The following GMDS variants were observed in gnomAD, a reference collection of about 807,000 sequenced individuals.
The protein encoded by GMDS is GDP-mannose 4,6-dehydratase, also known as GDP-mannose 4,6 dehydratase.
GMDS carries 20 observed loss-of-function variants against 49.9 expected under a neutral mutation model. That is an observed-to-expected ratio of 0.40 (90% confidence interval 0.28 to 0.58). The LOEUF (loss-of-function observed/expected upper bound fraction) is 0.58, where lower values mean the gene tolerates loss of function less well. Among genes scored for constraint, GMDS ranks in the 20% least tolerant of loss-of-function variants. The pLI is 0.42. For synonymous variants in GMDS, 177 were observed against 178.6 expected, an observed-to-expected ratio of 0.99 and a Z score of 0.07; for missense variants, 362 against 481.4, an observed-to-expected ratio of 0.75 and a Z score of 2.32.
chr6:2,100,682 A>G (rs1224132481), intron 4 of GMDS, among the ~76,000 whole-genome samples: 1 of 152,074 alleles, frequency 6.6e-6, no homozygotes, highest in African/African-American at 2.4e-5. Flanking sequence ...GAGTCAAGAT[A>G]GTATACATAG....
chr6:1,795,262 A>ATGC (rs1315422537), intron 7 of GMDS, among the ~76,000 whole-genome samples: 2 of 152,208 alleles, frequency 1.3e-5, no homozygotes, highest in Non-Finnish European at 2.9e-5. Context: ...AGACTTCTAC[A>ATGC]TGCTACCAAA....
rs550705094 is a variant in GMDS, at chr6:2,171,933, G to A, written c.103-47202C>T. On this transcript the variant is annotated intron_variant, in intron 1 of 10. Transcript: ENST00000380815. ...GAGAGCAGTGAGGGGCTAAACTGAC[G>A]CAATAAATGGCAGAGAAACAACTCA... Among the ~76,000 whole-genome samples the A allele has an allele frequency of 3.9e-5, 6 of 152,242 alleles. No homozygotes were observed. In the East Asian group the frequency reaches 5.8e-4, roughly 15 times the overall value.
chr6:2,065,897 T>C (rs986896219), intron 4 of GMDS, among the ~76,000 whole-genome samples: 4 of 152,062 alleles, frequency 2.6e-5, no homozygotes, highest in Non-Finnish European at 5.9e-5. Context: ...CAGGCCAACA[T>C]TCAGGTTCAG....
At chr6:2,230,941 A>T (rs867863269) in intron 1 of GMDS, among the ~76,000 whole-genome samples, 1 of 18,666 alleles carries the variant, frequency 5.4e-5, no homozygotes, top group African/African-American at 1.6e-4. Context: ...CCCCCCTCCC[A>T]CCCCCCCCCC....
At chr6:2,068,181 T>C (rs995606624) in intron 4 of GMDS, among the ~76,000 whole-genome samples, 11 of 152,080 alleles carry the variant, frequency 7.2e-5, no homozygotes, top group African/African-American at 2.2e-4. Context: ...ATTATCTCAA[T>C]AGATGCAGAA....
intron 4 of GMDS, among the ~76,000 whole-genome samples, chr6:2,063,097 G>T (rs1008832818): frequency 3.3e-5 from 5 of 152,212 alleles, no homozygotes; most frequent in Non-Finnish European, 5.9e-5. Flanking sequence ...GTTTCTGTTT[G>T]TCTGCTTCAT....
intron 6 of GMDS, among the ~76,000 whole-genome samples, chr6:1,932,537 CT>C (rs1166894439): frequency 0.041 from 5,506 of 133,932 alleles, 99 homozygotes; most frequent in East Asian, 0.16. Context: ...ATTTCTAATT[CT>C]TTTTTTTTTT....
chr6:1,948,529 C>T (rs866872625), intron 6 of GMDS, among the ~76,000 whole-genome samples: 216 of 152,198 alleles, frequency 1.4e-3, no homozygotes, highest in African/African-American at 4.9e-3. Flanking sequence ...TGGTAGTGTA[C>T]ACCTGTCGAC....
At chr6:2,192,323 C>T (rs1456394578) in intron 1 of GMDS, among the ~76,000 whole-genome samples, 1 of 152,154 alleles carries the variant, frequency 6.6e-6, no homozygotes, top group Non-Finnish European at 1.5e-5. Flanking sequence ...TGTTCTATTA[C>T]TCAATAAAGC....
At chr6:1,951,781 T>C (rs1763353668) in intron 6 of GMDS, 1 of 492,532 alleles carries the variant, frequency 2.0e-6, no homozygotes, top group East Asian at 1.5e-4. Flanking sequence ...CATATCACAT[T>C]TATATTCTAA....
chr6:2,099,690 A>G (rs1245045228), intron 4 of GMDS, among the ~76,000 whole-genome samples: 1 of 152,060 alleles, frequency 6.6e-6, no homozygotes, highest in Non-Finnish European at 1.5e-5. Context: ...CTTTCTGACA[A>G]AATAGAATAT....
At chr6:2,013,286 T>C (rs1269480215) in intron 4 of GMDS, among the ~76,000 whole-genome samples, 1 of 152,136 alleles carries the variant, frequency 6.6e-6, no homozygotes, top group East Asian at 1.9e-4. Flanking sequence ...CTTACAGCTA[T>C]AGCAAATACT....
chr6:2,112,446 G>A (rs1189717949), intron 4 of GMDS, among the ~76,000 whole-genome samples: 1 of 151,286 alleles, frequency 6.6e-6, no homozygotes, highest in Non-Finnish European at 1.5e-5. Flanking sequence ...GGTTCTCAAA[G>A]TGCGGTTCCC....
chr6:2,091,742 T>G (rs75951921), intron 4 of GMDS, among the ~76,000 whole-genome samples: 2 of 150,866 alleles, frequency 1.3e-5, no homozygotes, highest in Non-Finnish European at 3.0e-5. Context: ...AAGAAAAAAA[T>G]TTTTTTTTTA....
intron 4 of GMDS, among the ~76,000 whole-genome samples, chr6:2,012,899 A>G (rs1767646554): frequency 6.6e-6 from 1 of 152,152 alleles, no homozygotes; most frequent in Admixed American, 6.5e-5. Context: ...ACAGTTTTGA[A>G]ATACACCAAG....
At chr6:1,985,779 C>T (rs986626360) in intron 4 of GMDS, among the ~76,000 whole-genome samples, 4 of 152,032 alleles carry the variant, frequency 2.6e-5, no homozygotes, top group Non-Finnish European at 5.9e-5. Flanking sequence ...AAAGAGGGAG[C>T]AAGAGAAGGG....
intron 7 of GMDS, among the ~76,000 whole-genome samples, chr6:1,850,264 T>G (rs1757601971): frequency 1.3e-5 from 2 of 152,330 alleles, no homozygotes; most frequent in East Asian, 1.9e-4. Flanking sequence ...CTGGTTTCGC[T>G]TCAGTGTCTA....
At chr6:2,151,186 G>A (rs867630775) in intron 1 of GMDS, among the ~76,000 whole-genome samples, 3 of 152,110 alleles carry the variant, frequency 2.0e-5, no homozygotes, top group Middle Eastern at 6.8e-3. Context: ...TGGGTTGTTT[G>A]TAACACAAAG....
intron 7 of GMDS, among the ~76,000 whole-genome samples, chr6:1,912,085 G>T (rs1010509782): frequency 6.6e-6 from 1 of 152,130 alleles, no homozygotes; most frequent in Admixed American, 6.5e-5. Flanking sequence ...AGTGATCTTG[G>T]CTGGGCATGG....
Sources: gnomAD v4.1 joint callset for allele counts (sites outside exome capture counted in the v4.1 genomes callset) on GRCh38, gnomAD v4.1.1 for gene constraint, MANE v1.5 for transcripts, NCBI Gene and HGNC (gene_info 2026-07-23, HGNC 2026-07-21) for gene names.